Variants in CSMD3 observed in about 807,000 individuals in gnomAD.
CSMD3 encodes the protein CUB and Sushi multiple domains 3, also known as CUB and sushi domain-containing protein 3.
A neutral mutation model predicts 435.2 loss-of-function variants in CSMD3; 177 were observed. That is an observed-to-expected ratio of 0.41 (90% CI 0.36 to 0.46). The LOEUF is 0.46. Among genes scored for constraint, CSMD3 ranks in the 20% least tolerant of loss-of-function variants. The probability of loss-of-function intolerance (pLI) is 0.34; values close to 1 mark genes in which losing one functional copy is unlikely to be tolerated. For synonymous variants in CSMD3, 1,656 were observed against 1,520.5 expected, an observed-to-expected ratio of 1.09 and a Z score of -2.07; for missense variants, 4,265 against 4,504.6, an observed-to-expected ratio of 0.95 and a Z score of 1.52.
intron 1 of CSMD3, among the ~76,000 whole-genome samples, chr8:113,379,369 A>G (rs569707918): frequency 2.7e-4 from 41 of 152,350 alleles, no homozygotes; most frequent in African/African-American, 8.9e-4. Flanking sequence ...CAACAGTTCC[A>G]GTAAGGAAGA....
intron 23 of CSMD3, among the ~76,000 whole-genome samples, chr8:112,574,063 T>C (rs1829747788): frequency 6.6e-6 from 1 of 152,038 alleles, no homozygotes; most frequent in Admixed American, 6.6e-5. Context: ...ATGACTAACA[T>C]AAAATATATT....
At chr8:112,232,884 C>T (rs1813228603) in intron 68 of CSMD3, among the ~76,000 whole-genome samples, 1 of 152,026 alleles carries the variant, frequency 6.6e-6, no homozygotes, top group Admixed American at 6.6e-5. Context: ...AGACTCTGCC[C>T]CAAAATGAGA....
intron 32 of CSMD3, among the ~76,000 whole-genome samples, chr8:112,452,024 C>T (rs1008893005): frequency 2.0e-5 from 3 of 152,074 alleles, no homozygotes; most frequent in Admixed American, 1.3e-4. Context: ...AAATTCTCCC[C>T]AGCTGTGATT....
intron 4 of CSMD3, among the ~76,000 whole-genome samples, chr8:113,171,321 C>A (rs952440643): frequency 1.8e-4 from 28 of 152,074 alleles, no homozygotes; most frequent in South Asian, 2.1e-4. Flanking sequence ...TACTCTAAGT[C>A]CATAGTCAAT....
chr8:112,436,660 A>G (rs1398850472), intron 32 of CSMD3, among the ~76,000 whole-genome samples: 1 of 152,032 alleles, frequency 6.6e-6, no homozygotes, highest in Non-Finnish European at 1.5e-5. Context: ...AAATACATAT[A>G]CAAAGATATG....
intron 12 of CSMD3, among the ~76,000 whole-genome samples, chr8:112,818,254 C>T (rs2079434644): frequency 6.6e-6 from 1 of 151,798 alleles, no homozygotes. Context: ...AAATATGTAT[C>T]AAAGTGATAT....
At chr8:113,142,780 T>A (rs1201492301) in intron 4 of CSMD3, among the ~76,000 whole-genome samples, 4 of 150,860 alleles carry the variant, frequency 2.7e-5, no homozygotes, top group Admixed American at 2.0e-4. Context: ...AAAGGGTACA[T>A]GCTTGAGGTG....
At chr8:112,446,736 T>C (rs1056152483) in intron 32 of CSMD3, among the ~76,000 whole-genome samples, 1 of 152,224 alleles carries the variant, frequency 6.6e-6, no homozygotes, top group African/African-American at 2.4e-5. Context: ...ATGACTTCAA[T>C]ATAGTTTGCT....
rs148097885 is a variant in CSMD3, at chr8:112,611,266, G to A, written c.3716-24031C>T. ...CCTCCCAATCCTAAACCATATCCAG[G>A]TCAGTAAGGTACATCTGGTTGATGA... On this transcript the variant is annotated intron_variant, in intron 22 of 70. Coordinates refer to ENST00000297405, the MANE Select transcript of CSMD3 (RefSeq NM_198123.2). Among the ~76,000 whole-genome samples the A allele has an allele frequency of 1.7e-3, 263 of 152,200 alleles. 3 individuals carry two copies. Among genetic ancestry groups the A allele is most frequent in the African/African-American group, 6.0e-3 (250 of 41,548 alleles).
chr8:113,019,041 G>C (rs764152242), intron 6 of CSMD3, 26 bp downstream of exon 6: 21 of 1,363,096 alleles, frequency 1.5e-5, no homozygotes, highest in Middle Eastern at 1.8e-4. Flanking sequence ...CATATCAAAA[G>C]AGGCAAAGGT....
intron 3 of CSMD3, among the ~76,000 whole-genome samples, chr8:113,235,675 G>C (rs1002010393): frequency 1.3e-5 from 2 of 152,096 alleles, no homozygotes; most frequent in African/African-American, 4.8e-5. Context: ...TTCCAGAGGA[G>C]ACTGGCATGT....
At chr8:113,249,838 G>GA (rs879277595) in intron 3 of CSMD3, among the ~76,000 whole-genome samples, 396 of 140,644 alleles carry the variant, frequency 2.8e-3, no homozygotes, top group African/African-American at 7.6e-3. Context: ...TAGTATTCAA[G>GA]AAAAAAAAAA....
At chr8:112,684,534 T>A (rs939053408) in intron 15 of CSMD3, among the ~76,000 whole-genome samples, 1 of 152,066 alleles carries the variant, frequency 6.6e-6, no homozygotes, top group Non-Finnish European at 1.5e-5. Flanking sequence ...GTGTAAAAGC[T>A]TCAAGGAAAA....
intron 5 of CSMD3, among the ~76,000 whole-genome samples, chr8:113,031,415 A>G (rs2087104595): frequency 1.3e-5 from 2 of 151,660 alleles, no homozygotes; most frequent in African/African-American, 4.8e-5. Context: ...GCGAATCTCA[A>G]AAGTTACAGA....
chr8:112,492,827 CT>C (rs760784267), intron 30 of CSMD3, 144 bp from the exon 31 acceptor site: 19 of 708,420 alleles, frequency 2.7e-5, no homozygotes, highest in South Asian at 6.2e-5. Context: ...TATATACAGA[CT>C]TTTTTTGTCA....
At chr8:112,458,214 C>CT (rs56220822) in intron 32 of CSMD3, among the ~76,000 whole-genome samples, 1 of 148,346 alleles carries the variant, frequency 6.7e-6, no homozygotes, top group Non-Finnish European at 1.5e-5. Flanking sequence ...CACACTCACA[C>CT]CCACACACAC....
intron 5 of CSMD3, among the ~76,000 whole-genome samples, chr8:113,093,048 A>G (rs28498849): frequency 0.019 from 2,861 of 152,254 alleles, 31 homozygotes; most frequent in Middle Eastern, 0.041. Context: ...AATTATTTAT[A>G]CATTTCACAA....
intron 23 of CSMD3, among the ~76,000 whole-genome samples, chr8:112,579,705 C>CATAG (rs952261284): frequency 6.6e-6 from 1 of 151,924 alleles, no homozygotes; most frequent in African/African-American, 2.4e-5. Flanking sequence ...AAGACTCACA[C>CATAG]ATAGATAGGA....
intron 5 of CSMD3, among the ~76,000 whole-genome samples, chr8:113,032,509 A>G (rs575774740): frequency 6.6e-6 from 1 of 151,676 alleles, no homozygotes; most frequent in African/African-American, 2.4e-5. Context: ...GCCAGAAGAA[A>G]TTTCTAAGAA....
Sources: allele counts gnomAD v4.1 joint callset (sites outside exome capture counted in the v4.1 genomes callset), GRCh38; gene constraint gnomAD v4.1.1; transcripts MANE v1.5; gene names NCBI Gene and HGNC (gene_info 2026-07-23, HGNC 2026-07-21).